OAT: variants seen among roughly 807,000 people sequenced by gnomAD.
The protein encoded by OAT is ornithine aminotransferase, mitochondrial.
A neutral mutation model predicts 48.4 loss-of-function variants in OAT; 35 were observed. The observed-to-expected ratio is 0.72, with a 90% CI of 0.55 to 0.96. The LOEUF (loss-of-function observed/expected upper bound fraction) is 0.96. OAT is among the 40% of genes least tolerant of loss of function. The probability of loss-of-function intolerance (pLI) is 0.00; values close to 1 mark genes in which losing one functional copy is unlikely to be tolerated. For synonymous variants in OAT, 182 were observed against 198.4 expected (o/e 0.92, Z 0.70); for missense variants, 438 against 537.9 (o/e 0.81, Z 1.84).
intron 7 of OAT, 95 bp downstream of exon 7, chr10:124,402,832 G>A (rs1951449406): frequency 6.6e-7 from 1 of 1,519,108 alleles, no homozygotes; most frequent in South Asian, 1.1e-5. Context: ...CAAACAATCT[G>A]AAAGCATTGT....
At chr10:124,406,359 T>C (rs1951576522) in intron 4 of OAT, among the ~76,000 whole-genome samples, 1 of 151,740 alleles carries the variant, frequency 6.6e-6, no homozygotes, top group Admixed American at 6.6e-5. Flanking sequence ...GGCATGGTAG[T>C]GCACACCTGT....
Position 124,397,743 on chromosome 10 carries a change from C to T in OAT, c.*199G>A, listed in dbSNP as rs1951271474. On this transcript the variant is annotated 3_prime_UTR_variant, in exon 10 of 10. Transcript: ENST00000368845. ...CTTCAACTGAATATAGATGCCATTA[C>T]ATTATTTAGTTACGTTACAAAGCAA... 1.7e-6 allele frequency: 1 copy of T among 583,748 alleles called. No individual in the cohort carries two copies. Among genetic ancestry groups the T allele is most frequent in the Non-Finnish European group, 3.0e-6 (1 of 331,772 alleles). 36.2% of individuals were successfully genotyped at this position (583,748 alleles called of 1,614,324 possible).
chr10:124,406,145 T>TTTTTTTTTTTTTTTG, intron 4 of OAT: 1 of 982,222 alleles, frequency 1.0e-6, no homozygotes. Flanking sequence ...GAATATTTTT[T>TTTTTTTTTTTTTTTG]ATCCATTAAT....
intron 6 of OAT, chr10:124,403,371 A>G (rs1273744196): frequency 2.2e-6 from 1 of 457,548 alleles, no homozygotes. Context: ...TCTGGGAACA[A>G]ATTAATTCAT....
chr10:124,406,954 A>G (rs557869674), intron 4 of OAT: 2 of 985,306 alleles, frequency 2.0e-6, no homozygotes, highest in East Asian at 2.3e-4. Flanking sequence ...GATGACATTC[A>G]AGAAGGAAAG....
At chr10:124,405,998 G>T (rs1268522927) in intron 4 of OAT, 2 of 1,068,154 alleles carry the variant, frequency 1.9e-6, no homozygotes, top group Non-Finnish European at 2.3e-6. Flanking sequence ...CTCCAATACT[G>T]CAGGCTAACA....
chr10:124,397,924 GA>G lies in OAT; in HGVS notation c.*17del, dbSNP rs1951276647. The G allele has an allele frequency of 6.2e-7, 1 of 1,613,590 alleles. No individual in the cohort carries two copies. Among genetic ancestry groups the G allele is most frequent in the Non-Finnish European group, 8.5e-7 (1 of 1,179,798 alleles). On this transcript the variant is annotated 3_prime_UTR_variant, in exon 10 of 10. Coordinates refer to ENST00000368845, the MANE Select transcript of OAT (RefSeq NM_000274.4). ...CTCCAGCTGGCTCCCAGGGACCACT[GA>G]AAACAGCTGGCTACCCTCAGAAAGA... is the stretch of plus-strand genomic sequence containing the variant.
chr10:124,418,699 C>T (rs936613469), intron 1 of OAT, among the ~76,000 whole-genome samples, 174 bp downstream of exon 1: 4 of 152,072 alleles, frequency 2.6e-5, no homozygotes, highest in African/African-American at 9.7e-5. Context: ...GCAGAGTAAA[C>T]GGGCCGCTGA....
At chr10:124,418,486 C>A (rs953093449) in intron 1 of OAT, among the ~76,000 whole-genome samples, 3 of 152,224 alleles carry the variant, frequency 2.0e-5, no homozygotes, top group South Asian at 4.1e-4. Flanking sequence ...CTGGCCTCCA[C>A]AGGCCGCGAG....
At chr10:124,408,313 G>GTATATATA (rs1477021305) in intron 4 of OAT, among the ~76,000 whole-genome samples, 1 of 60,930 alleles carries the variant, frequency 1.6e-5, no homozygotes, top group Non-Finnish European at 2.9e-5. Context: ...GTGTGTGTGT[G>GTATATATA]TGTGTATATA....
At chr10:124,406,146 A>AGACGGAGTCTCGC in intron 4 of OAT, 2 of 981,658 alleles carry the variant, frequency 2.0e-6, no homozygotes. Flanking sequence ...AATATTTTTT[A>AGACGGAGTCTCGC]TCCATTAATA....
At chr10:124,404,541 C>T (rs1951517738) in intron 5 of OAT, among the ~76,000 whole-genome samples, 1 of 151,988 alleles carries the variant, frequency 6.6e-6, no homozygotes, top group South Asian at 2.1e-4. Context: ...CCTGCCTCGG[C>T]CTCCCAAAGT....
Position 124,400,027 on chromosome 10 carries a change from C to T in OAT, c.1159+813G>A, listed in dbSNP as rs568446468. 3.9e-5 allele frequency among the ~76,000 whole-genome samples: 6 copies of T among 152,244 alleles called. No individual in the cohort carries two copies. The South Asian group carries it at 1.2e-3, about 32-fold the overall frequency. On this transcript the variant is annotated intron_variant, in intron 9 of 9. Coordinates refer to ENST00000368845, the MANE Select transcript of OAT (RefSeq NM_000274.4). ...CAAGGGTCAAATTGGTTAAATGTGC[C>T]TTCATTTAGAAAAGAGCTATATTTT...
intron 6 of OAT, chr10:124,403,428 G>T: frequency 2.4e-6 from 1 of 411,656 alleles, no homozygotes; most frequent in Non-Finnish European, 4.5e-6. Flanking sequence ...CTCTCAAATG[G>T]TAAACAAAAT....
At chr10:124,406,900 T>A (rs2134469904) in intron 4 of OAT, 1 of 948,136 alleles carries the variant, frequency 1.1e-6, no homozygotes, top group East Asian at 1.2e-4. Flanking sequence ...AGAAAACACC[T>A]GACATAAACC....
intron 4 of OAT, among the ~76,000 whole-genome samples, chr10:124,407,875 C>T (rs1249662905): frequency 1.3e-5 from 2 of 152,156 alleles, no homozygotes; most frequent in Non-Finnish European, 1.5e-5. Flanking sequence ...AGAAACCTAA[C>T]AAGGGCAACT....
chr10:124,408,286 T>A (rs910875629), intron 4 of OAT, among the ~76,000 whole-genome samples: 3 of 20,296 alleles, frequency 1.5e-4, no homozygotes, highest in East Asian at 1.0e-3. Context: ...AATATATAAG[T>A]GTGTGTGTGT....
chr10:124,418,512 C>T (rs1385958662), intron 1 of OAT, among the ~76,000 whole-genome samples: 1 of 152,230 alleles, frequency 6.6e-6, no homozygotes, highest in Non-Finnish European at 1.5e-5. Context: ...GGGGCGGCGG[C>T]TCCGCCCGGT....
intron 4 of OAT, among the ~76,000 whole-genome samples, chr10:124,408,192 G>C (rs544190802): frequency 7.3e-5 from 11 of 151,308 alleles, no homozygotes; most frequent in Admixed American, 2.6e-4. Context: ...TACGTATCAT[G>C]TACCAGGCAA....
Sources: gnomAD v4.1 joint callset for allele counts (sites outside exome capture counted in the v4.1 genomes callset) on GRCh38, gnomAD v4.1.1 for gene constraint, MANE v1.5 for transcripts, NCBI Gene and HGNC (gene_info 2026-07-23, HGNC 2026-07-21) for gene names.